GPSM1: variants seen among roughly 807,000 people sequenced by gnomAD.
GPSM1 encodes the protein G protein signaling modulator 1.
GPSM1 carries 48 observed loss-of-function variants against 70.5 expected under a neutral mutation model. The observed-to-expected ratio is 0.68, with a 90% CI of 0.54 to 0.87. GPSM1 has a LOEUF of 0.87. Ranked by LOEUF, GPSM1 falls within the 40% of genes least tolerant of loss-of-function variation. The pLI, the probability that GPSM1 is intolerant of heterozygous loss-of-function variation, is 0.00. For synonymous variants in GPSM1, 416 were observed against 430.1 expected, an observed-to-expected ratio of 0.97 and a Z score of 0.41; for missense variants, 981 against 972.6, an observed-to-expected ratio of 1.01 and a Z score of -0.11.
rs117806164 is a variant in GPSM1 at position 136,337,908 on chromosome 9, G to A, written c.765G>A (p.Leu255=). 8.2e-4 allele frequency: 1,321 copies of A among 1,612,612 alleles called. 1 individual carries two copies. Among genetic ancestry groups the A allele is most frequent in the Non-Finnish European group, 1.1e-3 (1,250 of 1,179,792 alleles). ...CCGAGAGGAGGGCCTACAGCAACCT[G>A]GGGAACGCCCACGTCTTCCTGGGGC... ...KAAERRAYSN[L]GNAHVFLGRF... The change falls in exon 6 of 14, where the codon CTG becomes CTA. Residue 255 remains leucine, a synonymous_variant. Transcript: ENST00000440944.
intron 9 of GPSM1, among the ~76,000 whole-genome samples, chr9:136,346,766 T>C (rs1272643496): frequency 2.6e-5 from 4 of 152,192 alleles, no homozygotes; most frequent in African/African-American, 9.7e-5. Flanking sequence ...AGGGCCCTGC[T>C]GAGGCTGGGG....
intron 9 of GPSM1, among the ~76,000 whole-genome samples, chr9:136,344,042 G>A (rs951568017): frequency 2.6e-5 from 4 of 152,148 alleles, no homozygotes; most frequent in Admixed American, 1.3e-4. Context: ...CCGCTGAGCC[G>A]CGTCCAGCAG....
chr9:136,344,369 G>A (rs1832470777), intron 9 of GPSM1, among the ~76,000 whole-genome samples: 3 of 152,190 alleles, frequency 2.0e-5, no homozygotes, highest in Non-Finnish European at 4.4e-5. Flanking sequence ...AGCAACAGCA[G>A]ACGTTTACTC....
chr9:136,336,937 C>T lies in GPSM1; in HGVS notation c.443C>T (p.Ala148Val), dbSNP rs1398874463. 7.1e-6 allele frequency: 11 copies of T among 1,556,266 alleles called. No individual in the cohort carries two copies. Among genetic ancestry groups the T allele is most frequent in the Non-Finnish European group, 9.6e-6 (11 of 1,150,710 alleles). The change falls in exon 4 of 14, where the codon GCC becomes GTC. Residue 148 changes from alanine to valine, a missense_variant. Transcript: ENST00000440944. ...TGCCCACAGGTTGGGGAGGCGAGGG[C>T]CCTCTACAACATCGGGAACGTGTAC... ...EQGDKVGEAR[A>V]LYNIGNVYHA... is the part of the protein sequence containing the mutation.
intron 1 of GPSM1, among the ~76,000 whole-genome samples, chr9:136,328,712 T>C (rs558947933): frequency 6.6e-6 from 1 of 152,336 alleles, no homozygotes; most frequent in African/African-American, 2.4e-5. Flanking sequence ...GCCTCCGGTC[T>C]GCTCTCTGCT....
At chr9:136,345,225 G>A (rs1832493069) in intron 9 of GPSM1, among the ~76,000 whole-genome samples, 2 of 152,238 alleles carry the variant, frequency 1.3e-5, no homozygotes, top group Non-Finnish European at 2.9e-5. Context: ...AACGTCTGGA[G>A]CTGGGTGAGG....
chr9:136,328,695 C>T (rs1554768211), intron 1 of GPSM1, among the ~76,000 whole-genome samples: 2 of 152,208 alleles, frequency 1.3e-5, no homozygotes, highest in African/African-American at 4.8e-5. Flanking sequence ...CGGACAGAGG[C>T]CTTGCTGCCT....
At chr9:136,350,252 G>A (rs1251040682) in intron 11 of GPSM1, among the ~76,000 whole-genome samples, 4 of 152,264 alleles carry the variant, frequency 2.6e-5, no homozygotes, top group Non-Finnish European at 4.4e-5. Flanking sequence ...CTGATGGGGT[G>A]CCCCTTCCTG....
chr9:136,333,684 G>A (rs1054237493), intron 1 of GPSM1, among the ~76,000 whole-genome samples: 1 of 152,222 alleles, frequency 6.6e-6, no homozygotes. Flanking sequence ...GGGATGGGGC[G>A]CCATCCACAT....
chr9:136,345,932 C>T (rs1554771201), intron 9 of GPSM1, among the ~76,000 whole-genome samples: 1 of 152,198 alleles, frequency 6.6e-6, no homozygotes, highest in African/African-American at 2.4e-5. Flanking sequence ...GCTGCACCAC[C>T]CGAGGCTGGG....
rs1554768077 is a variant in GPSM1, at chr9:136,327,777, G to A, written c.68+14G>A. 1 of 1,019,878 alleles carries A rather than the reference G, an allele frequency of 9.8e-7. No homozygotes were observed. The highest frequency in any genetic ancestry group is 1.2e-6 in the Non-Finnish European group (1 of 808,456). The allele number at this position is 1,019,878 out of a possible 1,614,324, so 63.2% of individuals were successfully genotyped here. ...CCTCTACTCCAGGTAGGACGGGCCGGGGCCGGGGCCGGGGCCGGGGCTGGG... is the reference window on the plus strand; with the variant it reads ...CCTCTACTCCAGGTAGGACGGGCCGAGGCCGGGGCCGGGGCCGGGGCTGGG... On this transcript the variant is annotated intron_variant, in intron 1 of 13. Transcript: ENST00000440944.
intron 1 of GPSM1, among the ~76,000 whole-genome samples, chr9:136,333,297 AC>A (rs1312771047): frequency 6.6e-6 from 1 of 152,034 alleles, no homozygotes; most frequent in Non-Finnish European, 1.5e-5. Context: ...TCCCCCCGCG[AC>A]CCTCCACCCA....
intron 8 of GPSM1, 91 bp downstream of exon 8, chr9:136,339,906 GCCTGGGCCCC>G (rs1329879478): frequency 3.8e-6 from 3 of 786,918 alleles, no homozygotes; most frequent in Admixed American, 4.2e-5. Flanking sequence ...GCGTGTGCGT[GCCTGGGCCCC>G]CCTCATCCTT....
At chr9:136,329,980 TGGGCCCTGGGTGCTGGGTCGGTGGGGACA>T (rs1832065135) in intron 1 of GPSM1, among the ~76,000 whole-genome samples, 1 of 93,886 alleles carries the variant, frequency 1.1e-5, no homozygotes, top group Non-Finnish European at 2.2e-5. Context: ...TCAGTGGGGA[TGGGCCCTGGGTGCTGGGTCGGTGGGGACA>T]GGGCCCTGGG....
At chr9:136,346,575 C>T (rs1588701185) in intron 9 of GPSM1, among the ~76,000 whole-genome samples, 1 of 152,218 alleles carries the variant, frequency 6.6e-6, no homozygotes, top group South Asian at 2.1e-4. Flanking sequence ...ACCCCCTTCC[C>T]AGTTGGGGGT....
In GPSM1 at chr9:136,349,999, G is replaced by T. The variant is rs149208676; in HGVS notation, c.1455+236G>T. Among the ~76,000 whole-genome samples the T allele has an allele frequency of 1.9e-3, 294 of 152,354 alleles. 2 individuals are homozygous for T. The highest frequency in any genetic ancestry group is 6.6e-3 in the African/African-American group (275 of 41,580). ...CCTCAGAGGCCCCGGCCACCGAGGA[G>T]CCTCCTGGGGACTCTAGGCTGGGCT... On this transcript the variant is annotated intron_variant, in intron 11 of 13. Transcript: ENST00000440944.
chr9:136,334,511 A>G lies in GPSM1; in HGVS notation c.133A>G (p.Lys45Glu). The change falls in exon 2 of 14, where the codon AAG becomes GAG. Residue 45 changes from lysine (K) to glutamate (E), a missense_variant. Lys to Glu is a moderately conservative substitution (Grantham distance 56). Coordinates refer to ENST00000440944, the MANE Select transcript of GPSM1 (RefSeq NM_001145638.3). Reference protein sequence around the residue: ...GERLCKAGDFKTGVAFFEAAV... With the variant: ...GERLCKAGDFETGVAFFEAAV... Reference sequence around the variant, plus strand: ...GCGTCTGTGCAAGGCGGGCGACTTCAAGACAGGCGTGGCCTTCTTTGAGGC... The same window carrying G: ...GCGTCTGTGCAAGGCGGGCGACTTCGAGACAGGCGTGGCCTTCTTTGAGGC... The G allele has an allele frequency of 6.2e-7, 1 of 1,613,376 alleles. No individual in the cohort carries two copies. The highest frequency in any genetic ancestry group is 8.5e-7 in the Non-Finnish European group (1 of 1,179,976).
rs367953141 is a variant in GPSM1 at position 136,356,514 on chromosome 9, G to A, written c.1785G>A (p.Pro595=). Residue 595 remains proline (P), a synonymous_variant, in exon 13 of 14, where the codon CCG becomes CCA. Coordinates refer to ENST00000440944, the MANE Select transcript of GPSM1 (RefSeq NM_001145638.3). The part of the protein sequence containing the change: ...HLRGHGEPQE[P]GDDFFNMLIK... Reference sequence around the variant, plus strand: ...GAGGCCACGGCGAGCCCCAGGAGCCGGGGGACGACTTCTTCAACATGCTCA... The same window carrying A: ...GAGGCCACGGCGAGCCCCAGGAGCCAGGGGACGACTTCTTCAACATGCTCA... The A allele has an allele frequency of 2.1e-5, 34 of 1,611,730 alleles. No homozygotes were observed. Among genetic ancestry groups the A allele is most frequent in the East Asian group, 6.7e-5 (3 of 44,826 alleles).
chr9:136,350,713 G>A (rs1470063211), intron 11 of GPSM1, among the ~76,000 whole-genome samples: 1 of 152,230 alleles, frequency 6.6e-6, no homozygotes, highest in African/African-American at 2.4e-5. Flanking sequence ...GAGTGGAGCA[G>A]AGGGTCACAG....
Sources: gnomAD v4.1 joint callset for allele counts (sites outside exome capture counted in the v4.1 genomes callset) on GRCh38, gnomAD v4.1.1 for gene constraint, MANE v1.5 for transcripts, NCBI Gene and HGNC (gene_info 2026-07-23, HGNC 2026-07-21) for gene names.